The following PHF20L1 variants were observed in gnomAD, a reference collection of about 807,000 sequenced individuals.
PHF20L1 encodes PHD finger protein 20 like 1, also known as PHD finger protein 20-like protein 1.
PHF20L1 carries 44 observed loss-of-function variants against 125.5 expected under a neutral mutation model. That is an observed-to-expected ratio of 0.35 (90% CI 0.28 to 0.45). The LOEUF is 0.45. Ranked by LOEUF, PHF20L1 falls within the 20% of genes least tolerant of loss-of-function variation. PHF20L1 has a pLI of 1.00. For missense variants in PHF20L1, 1,012 were observed against 1,217.2 expected (o/e 0.83, Z 2.51); for synonymous variants, 380 against 403.1 (o/e 0.94, Z 0.69).
At chr8:132,804,342 A>T (rs756225019) in intron 7 of PHF20L1, among the ~76,000 whole-genome samples, 1 of 151,722 alleles carries the variant, frequency 6.6e-6, no homozygotes, top group African/African-American at 2.4e-5. Flanking sequence ...TTTTTCTTCA[A>T]CCTTTTAAAT....
intron 2 of PHF20L1, among the ~76,000 whole-genome samples, chr8:132,778,667 T>C (rs1427759614): frequency 6.6e-6 from 1 of 152,052 alleles, no homozygotes; most frequent in Non-Finnish European, 1.5e-5. Flanking sequence ...TGGGCCAGAG[T>C]AGGAATGAGG....
At position 132,842,666 on chromosome 8, in the gene PHF20L1, C is replaced by T. The variant is rs746946897; in HGVS notation, c.2539C>T (p.Arg847Cys). The change falls in exon 19 of 21, where the codon CGT becomes TGT. Residue 847 changes from arginine (R) to cysteine (C), a missense_variant. This residue lies in a region of PHF20L1 where 277 missense variants were observed against 283.6 expected (regional missense o/e 0.98). Coordinates refer to ENST00000395386, the MANE Select transcript of PHF20L1 (RefSeq NM_016018.5). ...TGTACAGAACCATAAAGAACCACCT[C>T]GTTTGCCCCTAAAAATGGAAGGAAC... ...KYVQNHKEPP[R>C]LPLKMEGTYI... 20 of 1,613,092 alleles carry T rather than the reference C, an allele frequency of 1.2e-5. No homozygotes were observed. Among genetic ancestry groups the T allele is most frequent in the Admixed American group, 1.7e-5 (1 of 59,792 alleles).
chr8:132,796,455 G>C (rs1426635542), intron 4 of PHF20L1, among the ~76,000 whole-genome samples: 3 of 152,088 alleles, frequency 2.0e-5, no homozygotes, highest in Admixed American at 2.0e-4. Context: ...GAGGAAAACA[G>C]AGATATATTA....
chr8:132,804,555 A>G (rs1833464404), intron 7 of PHF20L1, 60 bp from the exon 8 acceptor site: 1 of 1,358,792 alleles, frequency 7.4e-7, no homozygotes, highest in African/African-American at 1.5e-5. Context: ...CTGTTAAAAA[A>G]TCATGTGTTT....
At chr8:132,839,290 C>A in intron 17 of PHF20L1, 97 bp from the exon 18 acceptor site, 1 of 886,238 alleles carries the variant, frequency 1.1e-6, no homozygotes, top group Non-Finnish European at 1.8e-6. Context: ...AGTGCTAGAG[C>A]TTGCCTTGCT....
chr8:132,841,797 T>C (rs938213525), intron 18 of PHF20L1: 5 of 152,116 alleles, frequency 3.3e-5, no homozygotes, highest in African/African-American at 1.2e-4. Flanking sequence ...TCTAGAAATT[T>C]ATCTGACTGA....
Position 132,847,191 on chromosome 8 carries a change from G to T in PHF20L1, c.*1268G>T, listed in dbSNP as rs1838479160. The T allele has an allele frequency of 6.6e-6, 1 of 152,226 alleles. No individual in the cohort carries two copies. The highest frequency in any genetic ancestry group is 1.5e-5 in the Non-Finnish European group (1 of 67,928). The allele number at this position is 152,226 out of a possible 1,614,324, so 9.4% of individuals were successfully genotyped here. A position where few individuals can be genotyped will look rare whatever the true frequency, so the allele number is the denominator to read the frequency against. On this transcript the variant is annotated 3_prime_UTR_variant, in exon 21 of 21. Transcript: ENST00000395386. ...TTAAACAAACACTCAACGTACATAT[G>T]TACATAATCTACACATATTTATATC...
chr8:132,804,840 T>C, intron 8 of PHF20L1, 100 bp downstream of exon 8: 1 of 995,456 alleles, frequency 1.0e-6, no homozygotes, highest in Non-Finnish European at 1.5e-6. Context: ...TTTAGTGTCA[T>C]GGACCTGTTA....
chr8:132,831,550 A>T (rs1037168358), intron 14 of PHF20L1, among the ~76,000 whole-genome samples: 2 of 152,070 alleles, frequency 1.3e-5, no homozygotes, highest in African/African-American at 2.4e-5. Context: ...TCAGATTATC[A>T]CTGTATAATT....
chr8:132,838,562 G>C (rs887857274), intron 17 of PHF20L1: 2 of 152,138 alleles, frequency 1.3e-5, no homozygotes, highest in Non-Finnish European at 2.9e-5. Flanking sequence ...CCTCCAGGCA[G>C]GAAATAACTA....
At chr8:132,790,025 C>G (rs1232141517) in intron 2 of PHF20L1, among the ~76,000 whole-genome samples, 2 of 152,064 alleles carry the variant, frequency 1.3e-5, no homozygotes, top group Non-Finnish European at 2.9e-5. Flanking sequence ...AATATTTTTC[C>G]AAATTACTCA....
At chr8:132,820,424 T>C (rs1276049844) in intron 12 of PHF20L1, among the ~76,000 whole-genome samples, 1 of 151,930 alleles carries the variant, frequency 6.6e-6, no homozygotes, top group East Asian at 1.9e-4. Flanking sequence ...TGTGAACAGA[T>C]GTGGAATCTG....
At chr8:132,804,773 G>A in intron 8 of PHF20L1, 33 bp downstream of exon 8, 2 of 1,548,524 alleles carry the variant, frequency 1.3e-6, no homozygotes, top group Non-Finnish European at 1.8e-6. Flanking sequence ...TTGAGGGGGG[G>A]AAATGGAAGG....
chr8:132,816,757 A>T (rs1394932439), intron 10 of PHF20L1, 131 bp from the exon 11 acceptor site: 4 of 657,048 alleles, frequency 6.1e-6, no homozygotes, highest in Non-Finnish European at 1.0e-5. Flanking sequence ...GGAACATGCC[A>T]TTCCTTGTGG....
intron 18 of PHF20L1, among the ~76,000 whole-genome samples, chr8:132,840,378 T>TA (rs1246788925): frequency 1.3e-5 from 2 of 152,106 alleles, no homozygotes; most frequent in African/African-American, 2.4e-5. Flanking sequence ...GCCAGGTTGT[T>TA]ACATTTCACA....
In PHF20L1 at chr8:132,816,411, A is replaced by G. The variant is rs898759936; in HGVS notation, c.1184-477A>G. The G allele has an allele frequency of 1.3e-5, 2 of 151,942 alleles. 1 individual carries two copies. Among genetic ancestry groups the G allele is most frequent in the African/African-American group, 4.8e-5 (2 of 41,448 alleles). 9.4% of individuals were successfully genotyped at this position (151,942 alleles called of 1,614,324 possible). A position where few individuals can be genotyped will look rare whatever the true frequency, so the allele number is the denominator to read the frequency against. On this transcript the variant is annotated intron_variant, in intron 10 of 20. Transcript: ENST00000395386. ...ATGATGGGATAAAATTATTTACATT[A>G]GTGTAAAGTAAATCACTAACTCTAT... is the stretch of plus-strand genomic sequence containing the variant.
At position 132,789,900 on chromosome 8, in the gene PHF20L1, A is replaced by T. The variant is rs542963073; in HGVS notation, c.84-4510A>T. On this transcript the variant is annotated intron_variant, in intron 2 of 20. Transcript: ENST00000395386. ...GCCTTCTCTCCATCTCTTTCTGTTG[A>T]ACCCTTGAGAGATGTCAGCTATGGT... 1.2e-3 allele frequency among the ~76,000 whole-genome samples: 184 copies of T among 152,234 alleles called. 1 individual carries two copies. The highest frequency in any genetic ancestry group is 4.2e-3 in the African/African-American group (174 of 41,556).
chr8:132,839,295 C>T, intron 17 of PHF20L1, 92 bp from the exon 18 acceptor site: 1 of 961,138 alleles, frequency 1.0e-6, no homozygotes, highest in Non-Finnish European at 1.6e-6. Context: ...TAGAGCTTGC[C>T]TTGCTTAATG....
intron 9 of PHF20L1, 103 bp downstream of exon 9, chr8:132,811,231 A>G (rs1834355967): frequency 6.5e-7 from 1 of 1,536,290 alleles, no homozygotes; most frequent in Non-Finnish European, 8.8e-7. Context: ...CAGATATGGG[A>G]ATAGGAAGCT....
Sources: gnomAD v4.1 joint callset for allele counts (sites outside exome capture counted in the v4.1 genomes callset) on GRCh38, gnomAD v4.1.1 for gene constraint, gnomAD v4.1.1 regional missense constraint, MANE v1.5 for transcripts, NCBI Gene and HGNC (gene_info 2026-07-23, HGNC 2026-07-21) for gene names.